The following DOCK8 variants were observed in gnomAD, a reference collection of about 807,000 sequenced individuals.
DOCK8 encodes dedicator of cytokinesis 8.
DOCK8 carries 141 observed loss-of-function variants against 245.6 expected under a neutral mutation model. That is an observed-to-expected ratio of 0.57 (90% CI 0.50 to 0.66). The LOEUF (loss-of-function observed/expected upper bound fraction) is 0.66. Ranked by LOEUF, DOCK8 falls within the 30% of genes least tolerant of loss-of-function variation. The pLI, the probability that DOCK8 is intolerant of heterozygous loss-of-function variation, is 0.00. For missense variants in DOCK8, 2,965 were observed against 2,603.4 expected (o/e 1.14, Z -3.02); for synonymous variants, 1,168 against 970.2 (o/e 1.20, Z -3.79).
At chr9:386,493 A>G in intron 23 of DOCK8, 67 bp downstream of exon 23, 1 of 1,413,084 alleles carries the variant, frequency 7.1e-7, no homozygotes, top group Non-Finnish European at 9.9e-7. Flanking sequence ...ATGCCCTCAC[A>G]CTGTGCTTGG....
At chr9:258,064 A>C (rs1473618397) in intron 1 of DOCK8, among the ~76,000 whole-genome samples, 4 of 151,848 alleles carry the variant, frequency 2.6e-5, no homozygotes, top group African/African-American at 9.7e-5. Context: ...AAGGGCAAAC[A>C]AAAACTTTCT....
intron 14 of DOCK8, among the ~76,000 whole-genome samples, chr9:344,202 T>G (rs2051754590): frequency 6.6e-6 from 1 of 152,250 alleles, no homozygotes; most frequent in Non-Finnish European, 1.5e-5. Context: ...CCAGTTTGGT[T>G]GTGGCCCCTT....
intron 46 of DOCK8, 41 bp downstream of exon 46, chr9:452,158 T>C: frequency 7.5e-7 from 1 of 1,338,642 alleles, no homozygotes; most frequent in Non-Finnish European, 1.1e-6. Flanking sequence ...AGAGCAGTGG[T>C]TCTCAAAGTG....
intron 5 of DOCK8, among the ~76,000 whole-genome samples, chr9:307,565 T>C (rs2049904722): frequency 2.0e-5 from 3 of 151,424 alleles, no homozygotes; most frequent in Admixed American, 2.0e-4. Flanking sequence ...TCCATGTTGG[T>C]CAGGCTGATC....
At chr9:308,054 G>A (rs1386513206) in intron 5 of DOCK8, among the ~76,000 whole-genome samples, 1 of 152,200 alleles carries the variant, frequency 6.6e-6, no homozygotes, top group African/African-American at 2.4e-5. Context: ...TGCTGGGAAG[G>A]ATGGATGGAG....
At chr9:403,597 G>C (rs2055213169) in intron 26 of DOCK8, among the ~76,000 whole-genome samples, 1 of 151,730 alleles carries the variant, frequency 6.6e-6, no homozygotes, top group Non-Finnish European at 1.5e-5. Flanking sequence ...AAATTATATT[G>C]TTTAGTCTGT....
At chr9:374,165 T>C (rs1019203664) in intron 18 of DOCK8, among the ~76,000 whole-genome samples, 65 of 152,346 alleles carry the variant, frequency 4.3e-4, no homozygotes, top group African/African-American at 1.5e-3. Flanking sequence ...TTCCTTTTTC[T>C]TACTTGCGCT....
In DOCK8 at chr9:418,070, G is replaced by T. The variant is rs1412158573; in HGVS notation, c.3703G>T (p.Ala1235Ser). 2 of 1,614,176 alleles carry T rather than the reference G, an allele frequency of 1.2e-6. No individual in the cohort carries two copies. The highest frequency in any genetic ancestry group is 4.5e-5 in the East Asian group (2 of 44,884). Residue 1235 changes from alanine (A) to serine (S), a missense_variant and splice_region_variant, in exon 30 of 48, where the codon GCA becomes TCA. Ala to Ser is a moderately conservative substitution (Grantham distance 99). Around this residue, in one of 3 missense-constraint regions of DOCK8, gnomAD observed 2,825 missense variants for 2,453.5 expected, o/e 1.15. Coordinates refer to ENST00000432829, the MANE Select transcript of DOCK8 (RefSeq NM_203447.4). Reference sequence around the variant, plus strand: ...CACAAACGATGTTTTCATTGCAGTTGCAGATACTCGCAGATACCGCACCAG... The same window carrying T: ...CACAAACGATGTTTTCATTGCAGTTTCAGATACTCGCAGATACCGCACCAG... ...ALPQLCDFTV[A>S]DTRRYRTSGS...
At chr9:363,062 G>A (rs1040164334) in intron 14 of DOCK8, among the ~76,000 whole-genome samples, 2 of 152,200 alleles carry the variant, frequency 1.3e-5, no homozygotes, top group African/African-American at 4.8e-5. Flanking sequence ...TGCTAAATCA[G>A]TGGAAAGAAT....
At chr9:312,919 T>A (rs1354738387) in intron 6 of DOCK8, 1 of 154,800 alleles carries the variant, frequency 6.5e-6, no homozygotes, top group East Asian at 1.9e-4. Context: ...GCTGTCCAAA[T>A]GGTATTGAAA....
At chr9:439,499 C>A in intron 40 of DOCK8, 111 bp downstream of exon 40, 1 of 1,438,744 alleles carries the variant, frequency 7.0e-7, no homozygotes, top group South Asian at 1.2e-5. Flanking sequence ...CCCGAGGACA[C>A]GTGCCAGGGT....
At chr9:219,736 A>G (rs2046842247) in intron 1 of DOCK8, among the ~76,000 whole-genome samples, 1 of 152,148 alleles carries the variant, frequency 6.6e-6, no homozygotes, top group Non-Finnish European at 1.5e-5. Flanking sequence ...GTCTCTACAA[A>G]AAATACAAAA....
At chr9:391,112 G>C (rs1485505867) in intron 24 of DOCK8, among the ~76,000 whole-genome samples, 1 of 151,970 alleles carries the variant, frequency 6.6e-6, no homozygotes, top group East Asian at 1.9e-4. Context: ...GGCCATTTTG[G>C]CCTCACAGCC....
At chr9:226,907 G>C (rs2047001638) in intron 1 of DOCK8, among the ~76,000 whole-genome samples, 1 of 152,160 alleles carries the variant, frequency 6.6e-6, no homozygotes, top group Admixed American at 6.5e-5. Flanking sequence ...ATATGATTTT[G>C]ATAAGTTTTT....
At chr9:263,568 T>C (rs1029841696) in intron 1 of DOCK8, among the ~76,000 whole-genome samples, 1 of 152,258 alleles carries the variant, frequency 6.6e-6, no homozygotes, top group Non-Finnish European at 1.5e-5. Context: ...TCAGCACTTC[T>C]GTGTTTCCCT....
chr9:431,191 C>T (rs1279649886), intron 36 of DOCK8, among the ~76,000 whole-genome samples: 1 of 152,104 alleles, frequency 6.6e-6, no homozygotes, highest in East Asian at 1.9e-4. Flanking sequence ...GAGTTTTATT[C>T]AAAGCTACGA....
chr9:400,984 CTCCTCCACCACCACCACCATT>C (rs1335231097), intron 26 of DOCK8, among the ~76,000 whole-genome samples: 5 of 126,122 alleles, frequency 4.0e-5, no homozygotes, highest in Non-Finnish European at 9.2e-5. Context: ...CCATCACCAC[CTCCTCCACCACCACCACCATT>C]AGCTCCACCA....
chr9:298,220 T>C lies in DOCK8; in HGVS notation c.405-6361T>C, dbSNP rs10968786. Among the ~76,000 whole-genome samples the C allele has an allele frequency of 3.8e-3, 572 of 151,778 alleles. 28 individuals are homozygous for C. The East Asian group carries it at 0.1, about 27-fold the overall frequency. On this transcript the variant is annotated intron_variant, in intron 4 of 47. Coordinates refer to ENST00000432829, the MANE Select transcript of DOCK8 (RefSeq NM_203447.4). The stretch of plus-strand genomic sequence containing the variant: ...CGGGTGGATCACCTGAGGTCAGGAG[T>C]TCGAGACCAGCCTGGCCAACACGGC...
intron 44 of DOCK8, 81 bp from the exon 45 acceptor site, chr9:449,703 G>A (rs2057370449): frequency 1.3e-6 from 2 of 1,584,580 alleles, no homozygotes. Flanking sequence ...AATTCAGGTG[G>A]CCTCTCTGTC....
Sources: gnomAD v4.1 joint callset for allele counts (sites outside exome capture counted in the v4.1 genomes callset) on GRCh38, gnomAD v4.1.1 for gene constraint, gnomAD v4.1.1 regional missense constraint, MANE v1.5 for transcripts, NCBI Gene and HGNC (gene_info 2026-07-23, HGNC 2026-07-21) for gene names.